SOX6: variants seen among roughly 807,000 people sequenced by gnomAD.
SOX6 encodes the protein transcription factor SOX-6.
Under a neutral mutation model 97.8 loss-of-function variants are expected in SOX6, and 11 were observed. The observed-to-expected ratio is 0.11, with a 90% CI of 0.07 to 0.19. SOX6 has a LOEUF of 0.19. Among genes scored for constraint, SOX6 ranks in the 10% least tolerant of loss-of-function variants. The probability of loss-of-function intolerance (pLI) is 1.00; values close to 1 mark genes in which losing one functional copy is unlikely to be tolerated. For synonymous variants in SOX6, 360 were observed against 371.4 expected (o/e 0.97, Z 0.35); for missense variants, 810 against 1,039.5 (o/e 0.78, Z 3.04).
At chr11:16,115,931 A>G (rs149811116) in intron 6 of SOX6, among the ~76,000 whole-genome samples, 3 of 152,296 alleles carry the variant, frequency 2.0e-5, no homozygotes, top group Non-Finnish European at 4.4e-5. Flanking sequence ...GAACACACTG[A>G]TCTCAGTATC....
chr11:16,396,303 T>C (rs1201036735), intron 1 of SOX6, among the ~76,000 whole-genome samples: 2 of 151,682 alleles, frequency 1.3e-5, no homozygotes, highest in East Asian at 1.9e-4. Flanking sequence ...CAGTCTTAAA[T>C]ATAGGCCAGA....
At chr11:16,435,373 G>A (rs1041744019) in intron 1 of SOX6, among the ~76,000 whole-genome samples, 28 of 152,066 alleles carry the variant, frequency 1.8e-4, no homozygotes, top group Admixed American at 5.9e-4. Flanking sequence ...TTCACATAAT[G>A]ATATAAATAT....
chr11:16,009,790 A>G (rs1365197852), intron 13 of SOX6, among the ~76,000 whole-genome samples: 1 of 152,078 alleles, frequency 6.6e-6, no homozygotes, highest in African/African-American at 2.4e-5. Context: ...TGATCTTTAC[A>G]TTCCAAAGTA....
At chr11:16,094,067 A>T (rs1353139872) in intron 9 of SOX6, among the ~76,000 whole-genome samples, 3 of 151,974 alleles carry the variant, frequency 2.0e-5, no homozygotes, top group Non-Finnish European at 2.9e-5. Flanking sequence ...GAGCAAGAGT[A>T]AATAAAAACT....
At chr11:16,113,423 A>G (rs1364022848) in intron 6 of SOX6, among the ~76,000 whole-genome samples, 1 of 152,202 alleles carries the variant, frequency 6.6e-6, no homozygotes, top group African/African-American at 2.4e-5. Context: ...ACATTAGAGT[A>G]CAAACTAAGC....
Position 16,598,482 on chromosome 11 carries a change from T to C in SOX6, n.609+13599A>G, listed in dbSNP as rs1488438635. 5.9e-5 allele frequency among the ~76,000 whole-genome samples: 9 copies of C among 152,142 alleles called. No homozygotes were observed. In the South Asian group the frequency reaches 1.9e-3, roughly 32 times the overall value. The stretch of plus-strand genomic sequence containing the variant: ...CCTAAGTTTCTCCACCTACCAACTA[T>C]GAAAATCTTCAGAAGAAGAGAAAAT... On this transcript the variant is annotated intron_variant and non_coding_transcript_variant, in intron 4 of 5. Transcript: ENST00000524520.
upstream of SOX6, among the ~76,000 whole-genome samples, chr11:16,481,309 TC>T (rs1860341438): frequency 6.6e-6 from 1 of 152,142 alleles, no homozygotes; most frequent in Non-Finnish European, 1.5e-5. Context: ...TAAGCTAATG[TC>T]CAGTATTTTT....
At chr11:16,506,073 T>C (rs1203600833) in intron 4 of SOX6, among the ~76,000 whole-genome samples, 1 of 152,092 alleles carries the variant, frequency 6.6e-6, no homozygotes, top group African/African-American at 2.4e-5. Flanking sequence ...CTAGTAGAGA[T>C]GTGAGAAGGG....
chr11:16,539,118 A>G (rs1414858963), intron 4 of SOX6, among the ~76,000 whole-genome samples: 1 of 152,210 alleles, frequency 6.6e-6, no homozygotes, highest in African/African-American at 2.4e-5. Flanking sequence ...AATCACAACA[A>G]ACTGTCTCTC....
intron 13 of SOX6, among the ~76,000 whole-genome samples, chr11:15,990,391 C>T (rs1009663149): frequency 6.6e-6 from 1 of 151,400 alleles, no homozygotes; most frequent in African/African-American, 2.4e-5. Flanking sequence ...TGAAACTATG[C>T]CTAAATTCCT....
chr11:16,413,668 C>G (rs1858869239), intron 1 of SOX6, among the ~76,000 whole-genome samples: 1 of 151,524 alleles, frequency 6.6e-6, no homozygotes, highest in African/African-American at 2.4e-5. Flanking sequence ...TTACAGGCAC[C>G]TGCCACCATG....
intron 6 of SOX6, among the ~76,000 whole-genome samples, chr11:16,121,232 G>T (rs1235779279): frequency 6.6e-6 from 1 of 151,998 alleles, no homozygotes; most frequent in East Asian, 1.9e-4. Context: ...AAAAGAACAT[G>T]GATTTAGCAC....
intron 1 of SOX6, among the ~76,000 whole-genome samples, chr11:16,389,035 T>C (rs1001650407): frequency 1.1e-4 from 16 of 152,254 alleles, no homozygotes; most frequent in African/African-American, 3.6e-4. Flanking sequence ...CCTAATGCTA[T>C]ATTCATCTTC....
chr11:16,171,487 C>T (rs11023859), intron 6 of SOX6, among the ~76,000 whole-genome samples: 74,248 of 151,704 alleles, frequency 0.49, 18,457 homozygotes, highest in Middle Eastern at 0.66. Context: ...GTACATCAGA[C>T]TCTTTTACAT....
chr11:16,714,744 C>T (rs1402714092), intron 3 of SOX6: 2 of 151,652 alleles, frequency 1.3e-5, no homozygotes, highest in Admixed American at 6.6e-5. Flanking sequence ...GCCACTGCGC[C>T]CAGCCGTTGT....
At chr11:16,060,495 T>C (rs1847921135) in intron 9 of SOX6, among the ~76,000 whole-genome samples, 1 of 151,868 alleles carries the variant, frequency 6.6e-6, no homozygotes, top group African/African-American at 2.4e-5. Context: ...ATCAGAAAAT[T>C]GAGTCCAGTG....
intron 4 of SOX6, among the ~76,000 whole-genome samples, chr11:16,604,380 G>T (rs1018842837): frequency 6.6e-5 from 10 of 152,204 alleles, no homozygotes; most frequent in Non-Finnish European, 1.5e-4. Context: ...GGGACCCGGG[G>T]AAAAACCTGG....
At chr11:16,124,235 G>C (rs1476382001) in intron 6 of SOX6, among the ~76,000 whole-genome samples, 3 of 152,024 alleles carry the variant, frequency 2.0e-5, no homozygotes, top group Non-Finnish European at 4.4e-5. Flanking sequence ...ACTATTGTAG[G>C]CATTGGGAAT....
At chr11:16,604,290 C>A (rs940492642) in intron 4 of SOX6, among the ~76,000 whole-genome samples, 1 of 152,226 alleles carries the variant, frequency 6.6e-6, no homozygotes, top group Non-Finnish European at 1.5e-5. Flanking sequence ...ACCAGCTCGC[C>A]GACCTGACCA....
Sources: gnomAD v4.1 joint callset for allele counts (sites outside exome capture counted in the v4.1 genomes callset) on GRCh38, gnomAD v4.1.1 for gene constraint, MANE v1.5 for transcripts, NCBI Gene and HGNC (gene_info 2026-07-23, HGNC 2026-07-21) for gene names.